Variants in STRN3 observed in about 807,000 individuals in gnomAD.
STRN3 encodes the protein striatin 3.
In STRN3, 29 loss-of-function variants were observed where a neutral mutation model predicts 95.6. That is an observed-to-expected ratio of 0.30 (90% confidence interval 0.23 to 0.41). The LOEUF is 0.41. Ranked by LOEUF, STRN3 falls within the 10% of genes least tolerant of loss-of-function variation. The pLI, the probability that STRN3 is intolerant of heterozygous loss-of-function variation, is 1.00. For synonymous variants in STRN3, 331 were observed against 357.6 expected (o/e 0.93, Z 0.84); for missense variants, 890 against 972.1 (o/e 0.92, Z 1.12).
At chr14:30,937,401 AGACT>A (rs1469197963) in intron 5 of STRN3, among the ~76,000 whole-genome samples, 1 of 152,184 alleles carries the variant, frequency 6.6e-6, no homozygotes, top group Non-Finnish European at 1.5e-5. Flanking sequence ...TCCATTTCAC[AGACT>A]GTCTTAGCTA....
At chr14:30,929,972 A>AAAAAAAAAAAACAAAAC (rs1566441496) in intron 7 of STRN3, among the ~76,000 whole-genome samples, 1 of 149,500 alleles carries the variant, frequency 6.7e-6, no homozygotes, top group African/African-American at 2.5e-5. Context: ...AAAAAAAAAA[A>AAAAAAAAAAAACAAAAC]AAAAAAACTC....
Position 30,895,528 on chromosome 14 carries a change from T to G in STRN3, c.2277A>C (p.Gln759His), listed in dbSNP as rs772522963. 1 of 1,614,168 alleles carries G rather than the reference T, an allele frequency of 6.2e-7. No individual in the cohort carries two copies. Residue 759 changes from glutamine to histidine, a missense_variant, in exon 18 of 18, where the codon CAA becomes CAC. By Grantham distance (24) the Gln-to-His change is conservative. Around this residue, in one of 3 missense-constraint regions of STRN3, gnomAD observed 357 missense variants for 422.8 expected, o/e 0.84. Transcript: ENST00000357479. Reference protein sequence around the residue: ...LWNLDSKTCVQEITAHRKKLD... With the variant: ...LWNLDSKTCVHEITAHRKKLD... ...ATTTCTTTCTGTGAGCTGTTATTTC[T>G]TGCACACATGTCTTGCTGTCTAAAT...
chr14:30,929,979 A>AAAAAAAAAAAAAAT (rs1566441550), intron 7 of STRN3, among the ~76,000 whole-genome samples: 1 of 147,384 alleles, frequency 6.8e-6, no homozygotes, highest in Non-Finnish European at 1.5e-5. Flanking sequence ...AAAAAAAAAA[A>AAAAAAAAAAAAAAT]CTCAAATTCC....
intron 5 of STRN3, among the ~76,000 whole-genome samples, chr14:30,939,615 G>A (rs911957030): frequency 6.6e-6 from 1 of 152,016 alleles, no homozygotes; most frequent in Non-Finnish European, 1.5e-5. Context: ...CTGCTTGCTA[G>A]GAAATACTTA....
chr14:31,004,981 G>A (rs535221484), intron 1 of STRN3, among the ~76,000 whole-genome samples: 3 of 152,116 alleles, frequency 2.0e-5, no homozygotes, highest in South Asian at 4.1e-4. Context: ...AGTATTTAAA[G>A]GGAAAAAGTG....
intron 1 of STRN3, among the ~76,000 whole-genome samples, chr14:31,016,484 T>A (rs1883240204): frequency 6.6e-6 from 1 of 151,958 alleles, no homozygotes; most frequent in Non-Finnish European, 1.5e-5. Context: ...TATCCAAGGG[T>A]TCCCCATTCA....
chr14:30,928,245 G>A (rs1251140066), intron 8 of STRN3, among the ~76,000 whole-genome samples: 1 of 152,066 alleles, frequency 6.6e-6, no homozygotes, highest in Admixed American at 6.6e-5. Context: ...ACTCAAAAAG[G>A]TTTTACTGAA....
chr14:30,967,662 T>C (rs1012644767), intron 1 of STRN3, among the ~76,000 whole-genome samples: 8 of 152,206 alleles, frequency 5.3e-5, no homozygotes, highest in East Asian at 1.9e-4. Flanking sequence ...AAATAACTTT[T>C]AGAGGAAACC....
chr14:31,006,141 C>G (rs1006338492), intron 1 of STRN3, among the ~76,000 whole-genome samples: 3 of 137,748 alleles, frequency 2.2e-5, no homozygotes, highest in African/African-American at 8.0e-5. Flanking sequence ...AAAAAAGAAA[C>G]AAACAAACAA....
At position 30,934,834 on chromosome 14, in the gene STRN3, C is replaced by T. The variant is rs969955916; in HGVS notation, c.988+329G>A. Reference sequence around the variant, plus strand: ...AAATCTAGAATACCAAATTAAACAACGGGAATGTTTAAAACTGAATACATA... The same window carrying T: ...AAATCTAGAATACCAAATTAAACAATGGGAATGTTTAAAACTGAATACATA... On this transcript the variant is annotated intron_variant, in intron 7 of 17. Transcript: ENST00000357479. Among the ~76,000 whole-genome samples, 38 of 151,904 alleles carry T rather than the reference C, an allele frequency of 2.5e-4. 1 individual carries two copies. The highest frequency in any genetic ancestry group is 6.2e-4 in the South Asian group (3 of 4,804).
chr14:30,955,834 C>T (rs1879875664), intron 2 of STRN3, 141 bp from the exon 3 acceptor site: 2 of 701,628 alleles, frequency 2.9e-6, no homozygotes, highest in Admixed American at 3.7e-5. Flanking sequence ...GACTATATTG[C>T]TGTAAAAGAA....
At chr14:30,992,033 G>T (rs1881980064) in intron 1 of STRN3, among the ~76,000 whole-genome samples, 1 of 151,720 alleles carries the variant, frequency 6.6e-6, no homozygotes, top group African/African-American at 2.4e-5. Context: ...AATTCTTTTT[G>T]GACATTCTCA....
chr14:31,014,661 C>G, intron 1 of STRN3: 1 of 456,020 alleles, frequency 2.2e-6, no homozygotes, highest in South Asian at 1.6e-5. Flanking sequence ...AGGTGTAATG[C>G]TATCTCAAGG....
intron 9 of STRN3, among the ~76,000 whole-genome samples, chr14:30,918,708 T>A (rs1057209148): frequency 1.1e-4 from 17 of 152,228 alleles, no homozygotes; most frequent in African/African-American, 3.6e-4. Flanking sequence ...AAAATTAGAT[T>A]TAAGAAAAGA....
chr14:30,934,465 TC>T (rs1235594309), intron 7 of STRN3, among the ~76,000 whole-genome samples: 7 of 152,200 alleles, frequency 4.6e-5, no homozygotes, highest in African/African-American at 1.4e-4. Context: ...ATAAATGACG[TC>T]AGCTATTACC....
intron 16 of STRN3, among the ~76,000 whole-genome samples, chr14:30,896,942 ATCC>A (rs1896170726): frequency 6.6e-6 from 1 of 152,226 alleles, no homozygotes; most frequent in Non-Finnish European, 1.5e-5. Flanking sequence ...GGGCAAGGGC[ATCC>A]TGCAATGGTA....
intron 1 of STRN3, among the ~76,000 whole-genome samples, chr14:31,000,621 T>A (rs952466052): frequency 6.6e-6 from 1 of 151,824 alleles, no homozygotes; most frequent in South Asian, 2.1e-4. Context: ...TGATCTTCGG[T>A]AGTGAGGTTA....
intron 1 of STRN3, among the ~76,000 whole-genome samples, chr14:30,958,776 TAA>T (rs1379081637): frequency 1.3e-5 from 2 of 152,210 alleles, no homozygotes; most frequent in Non-Finnish European, 2.9e-5. Context: ...GGGTTCTTTT[TAA>T]AAAAGACAAC....
intron 1 of STRN3, among the ~76,000 whole-genome samples, chr14:31,011,883 C>G (rs530950513): frequency 6.6e-6 from 1 of 152,192 alleles, no homozygotes; most frequent in South Asian, 2.1e-4. Context: ...AGTCGGAGAC[C>G]AGCCTGACCA....
Sources: allele counts gnomAD v4.1 joint callset (sites outside exome capture counted in the v4.1 genomes callset), GRCh38; gene constraint gnomAD v4.1.1; regional missense constraint gnomAD v4.1.1; transcripts MANE v1.5; gene names NCBI Gene and HGNC (gene_info 2026-07-23, HGNC 2026-07-21).